Variants in MYB observed in about 807,000 individuals in gnomAD.
MYB encodes the protein MYB proto-oncogene, transcription factor, also known as transcriptional activator Myb.
Under a neutral mutation model 92.9 loss-of-function variants are expected in MYB, and 28 were observed. That is an observed-to-expected ratio of 0.30 (90% confidence interval 0.22 to 0.41). MYB has a LOEUF of 0.41. MYB is among the 10% of genes least tolerant of loss of function. The pLI is 1.00. For missense variants in MYB, 679 were observed against 929.3 expected (o/e 0.73, Z 3.50); for synonymous variants, 295 against 329.1 (o/e 0.90, Z 1.12).
At chr6:135,187,792 A>G in intron 2 of MYB, 42 bp from the exon 3 acceptor site, 2 of 1,387,946 alleles carry the variant, frequency 1.4e-6, no homozygotes, top group Non-Finnish European at 2.0e-6. Context: ...AGAGTTATAT[A>G]GTAAATAACT....
In MYB at chr6:135,181,428, G is replaced by C; in HGVS notation, c.-86G>C. The C allele has an allele frequency of 1.0e-6, 1 of 967,110 alleles. No individual in the cohort carries two copies. The allele number at this position is 967,110 out of a possible 1,614,324, so 59.9% of individuals were successfully genotyped here. ...CGGAGCGCCGCTGCGCAGCCGGGGAGGGACGCAGGCAGGCGGCGGGCAGCG... is the reference window on the plus strand; with the variant it reads ...CGGAGCGCCGCTGCGCAGCCGGGGACGGACGCAGGCAGGCGGCGGGCAGCG... On this transcript the variant is annotated 5_prime_UTR_variant, in exon 1 of 16. Transcript: ENST00000341911. The surrounding 1 kb of genome is among the most constrained non-coding windows in gnomAD (Gnocchi z 5.3).
intron 2 of MYB, among the ~76,000 whole-genome samples, chr6:135,187,338 CT>C (rs1234531885): frequency 6.6e-6 from 1 of 152,126 alleles, no homozygotes; most frequent in East Asian, 1.9e-4. Context: ...TATTCTATTT[CT>C]TGCTCAAGAT....
rs139729764 is a variant in MYB, at chr6:135,190,192, G to A, written c.372G>A (p.Gly124=). 1 of 1,614,172 alleles carries A rather than the reference G, an allele frequency of 6.2e-7. No homozygotes were observed. The highest frequency in any genetic ancestry group is 1.3e-5 in the African/African-American group (1 of 75,024). Residue 124 remains glycine, a synonymous_variant, in exon 5 of 16, where the codon GGG becomes GGA. Coordinates refer to ENST00000341911, the MANE Select transcript of MYB (RefSeq NM_001130173.2). This position sits in a 1 kb window ranked among gnomAD's most constrained non-coding sequence, Gnocchi z 4.5. ...CTGTTATTGCCAAGCACTTAAAGGGGAGAATTGGAAAACAATGTAGGGAGA... is the reference window on the plus strand; with the variant it reads ...CTGTTATTGCCAAGCACTTAAAGGGAAGAATTGGAAAACAATGTAGGGAGA... ...RWSVIAKHLK[G]RIGKQCRERW...
chr6:135,192,570 C>T lies in MYB; in HGVS notation c.762+12C>T. The stretch of plus-strand genomic sequence containing the variant: ...CTGAAGCACAAAATGTAAGCCATTC[C>T]TGTGAATCTAGTTTAATGAGAGAGA... On this transcript the variant is annotated intron_variant, in intron 6 of 15. Transcript: ENST00000341911. The T allele has an allele frequency of 1.9e-6, 3 of 1,607,928 alleles. No homozygotes were observed. Among genetic ancestry groups the T allele is most frequent in the South Asian group, 1.1e-5 (1 of 90,974 alleles).
intron 15 of MYB, among the ~76,000 whole-genome samples, chr6:135,216,410 G>A (rs768979273): frequency 5.3e-5 from 8 of 152,276 alleles, no homozygotes; most frequent in Non-Finnish European, 8.8e-5. Context: ...GAGGCTGTGA[G>A]TGTATTTATC....
At chr6:135,200,539 T>C in intron 13 of MYB, 124 bp downstream of exon 13, 1 of 1,431,646 alleles carries the variant, frequency 7.0e-7, no homozygotes, top group Non-Finnish European at 9.7e-7. Flanking sequence ...AAGATTTTCA[T>C]ACAAGGTGCA....
chr6:135,195,352 GTCCTCT>G, intron 8 of MYB: 1 of 167,638 alleles, frequency 6.0e-6, no homozygotes, highest in Non-Finnish European at 1.2e-5. Context: ...TAACTCCTGA[GTCCTCT>G]AGCTTTTTTG....
chr6:135,199,014 G>A lies in MYB; in HGVS notation c.1673G>A (p.Arg558Lys). The stretch of plus-strand genomic sequence containing the variant: ...TTGACTGTTACAACACCATTTCATA[G>A]AGACCAGACTGTGAAAACTCAAAAG... ...HKLTVTTPFH[R>K]DQTVKTQKEN... The change falls in exon 11 of 16, where the codon AGA becomes AAA. Residue 558 changes from arginine (R) to lysine (K), a missense_variant. Arg to Lys is a conservative substitution (Grantham distance 26). Coordinates refer to ENST00000341911, the MANE Select transcript of MYB (RefSeq NM_001130173.2). 1 of 1,609,878 alleles carries A rather than the reference G, an allele frequency of 6.2e-7. No homozygotes were observed. The highest frequency in any genetic ancestry group is 8.5e-7 in the Non-Finnish European group (1 of 1,178,036).
At chr6:135,217,260 T>C (rs988774515) in intron 15 of MYB, among the ~76,000 whole-genome samples, 7 of 151,940 alleles carry the variant, frequency 4.6e-5, no homozygotes, top group African/African-American at 1.7e-4. Flanking sequence ...TCCCAGCTGC[T>C]TGGGTAGCTG....
intron 9 of MYB, 93 bp downstream of exon 9, chr6:135,196,095 T>C: frequency 7.8e-7 from 1 of 1,276,650 alleles, no homozygotes; most frequent in South Asian, 1.4e-5. Context: ...AGCCAAGCTG[T>C]TATTAGCATA....
chr6:135,187,639 T>C (rs1298734882), intron 2 of MYB, among the ~76,000 whole-genome samples, 195 bp from the exon 3 acceptor site: 1 of 152,186 alleles, frequency 6.6e-6, no homozygotes, highest in Non-Finnish European at 1.5e-5. Context: ...CAATTAATAG[T>C]TGAGTCAAGA....
chr6:135,200,091 A>G lies in MYB; in HGVS notation c.1716A>G (p.Arg572=), dbSNP rs757973476. ...VKTQKENTVF[R]TPAIKRSILE... ...GCTTGTTTTCTTTTTAAAGTTTTAGAACCCCAGCTATCAAAAGGTCAATCT... is the reference window on the plus strand; with the variant it reads ...GCTTGTTTTCTTTTTAAAGTTTTAGGACCCCAGCTATCAAAAGGTCAATCT... Residue 572 remains arginine (R), a synonymous_variant, in exon 12 of 16, where the codon AGA becomes AGG. Coordinates refer to ENST00000341911, the MANE Select transcript of MYB (RefSeq NM_001130173.2). The G allele has an allele frequency of 7.4e-6, 12 of 1,613,466 alleles. No homozygotes were observed. Among genetic ancestry groups the G allele is most frequent in the Non-Finnish European group, 1.0e-5 (12 of 1,179,416 alleles).
intron 1 of MYB, among the ~76,000 whole-genome samples, chr6:135,183,486 C>A (rs1313450306): frequency 6.6e-6 from 1 of 152,156 alleles, no homozygotes; most frequent in Admixed American, 6.5e-5. Flanking sequence ...GGTGGGGAGT[C>A]GAGTGCATCA....
At position 135,197,324 on chromosome 6, in the gene MYB, G is replaced by A. The variant is rs1210333646; in HGVS notation, c.1566+1G>A. ...AAGCCTACCCTTCTCTCCCTCGCAG[G>A]TAGAACACAATTTCTGCACAGCTGT... On this transcript the variant is annotated splice_donor_variant, in intron 10 of 15. Coordinates refer to ENST00000341911, the MANE Select transcript of MYB (RefSeq NM_001130173.2). LOFTEE classifies it high-confidence loss of function. 6.3e-7 allele frequency: 1 copy of A among 1,599,288 alleles called. No individual in the cohort carries two copies. The highest frequency in any genetic ancestry group is 1.1e-5 in the South Asian group (1 of 89,524).
At chr6:135,199,655 A>G in intron 11 of MYB, 1 of 599,588 alleles carries the variant, frequency 1.7e-6, no homozygotes, top group South Asian at 4.9e-5. Flanking sequence ...AATTATCAGA[A>G]ACCTTGAAAA....
chr6:135,201,841 A>C, intron 14 of MYB, 92 bp downstream of exon 14: 1 of 576,024 alleles, frequency 1.7e-6, no homozygotes, highest in East Asian at 3.3e-5. Context: ...CGGTTTCAGC[A>C]CTCCCTCTTT....
In MYB at chr6:135,194,900, A is replaced by T. The variant is rs529987698; in HGVS notation, c.948+440A>T. On this transcript the variant is annotated intron_variant, in intron 8 of 15. Transcript: ENST00000341911. ...GTTCAGTATATACATGTAAAAGGTT[A>T]TATATAAAACCTCTTCATAAATAAC... The T allele has an allele frequency of 5.6e-6, 7 of 1,257,314 alleles. No individual in the cohort carries two copies. The East Asian group carries it at 3.2e-4, about 57-fold the overall frequency. The allele number at this position is 1,257,314 out of a possible 1,614,324, so 77.9% of individuals were successfully genotyped here. A position where few individuals can be genotyped will look rare whatever the true frequency, so the allele number is the denominator to read the frequency against.
chr6:135,197,271 G>A lies in MYB; in HGVS notation c.1514G>A (p.Ser505Asn). 1 of 1,613,850 alleles carries A rather than the reference G, an allele frequency of 6.2e-7. No individual in the cohort carries two copies. The highest frequency in any genetic ancestry group is 8.5e-7 in the Non-Finnish European group (1 of 1,179,808). ...TCCTTCATATTTGCTGACGTCAGCA[G>A]TTCAACTCCCAAGCGTTCCCCTGTC... is the stretch of plus-strand genomic sequence containing the variant. ...CSSFIFADVS[S>N]STPKRSPVKS... The change falls in exon 10 of 16, where the codon AGT (serine) becomes AAT (asparagine). Residue 505 changes from serine to asparagine, a missense_variant. Around this residue, in one of 8 missense-constraint regions of MYB, gnomAD observed 402 missense variants for 434.2 expected, o/e 0.93. Coordinates refer to ENST00000341911, the MANE Select transcript of MYB (RefSeq NM_001130173.2).
chr6:135,186,040 A>C lies in MYB; in HGVS notation c.141+20A>C. The C allele has an allele frequency of 6.3e-7, 1 of 1,596,070 alleles. No homozygotes were observed. The highest frequency in any genetic ancestry group is 8.6e-7 in the Non-Finnish European group (1 of 1,163,678). ...GAAGAGGTAACTAATCATTTTATCA[A>C]GACGCAGAAAATAGATAGAGTGTAT... is the stretch of plus-strand genomic sequence containing the variant. On this transcript the variant is annotated intron_variant, in intron 2 of 15. Coordinates refer to ENST00000341911, the MANE Select transcript of MYB (RefSeq NM_001130173.2).
Sources: allele counts gnomAD v4.1 joint callset (sites outside exome capture counted in the v4.1 genomes callset), GRCh38; gene constraint gnomAD v4.1.1; regional missense constraint gnomAD v4.1.1; non-coding constraint Gnocchi (gnomAD v3.1); transcripts MANE v1.5; gene names NCBI Gene and HGNC (gene_info 2026-07-23, HGNC 2026-07-21).